Variants in PDZRN4 observed in about 807,000 individuals in gnomAD.
PDZRN4 encodes PDZ domain containing ring finger 4.
PDZRN4 carries 70 observed loss-of-function variants against 99.0 expected under a neutral mutation model. The ratio of observed to expected loss-of-function variants is 0.71; its 90% CI spans 0.58 to 0.86. The LOEUF is 0.86. Among genes scored for constraint, PDZRN4 ranks in the 40% least tolerant of loss-of-function variants. PDZRN4 has a pLI of 0.00. For missense variants in PDZRN4, 1,474 were observed against 1,331.2 expected, an observed-to-expected ratio of 1.11 and a Z score of -1.67; for synonymous variants, 551 against 501.6, an observed-to-expected ratio of 1.10 and a Z score of -1.32.
chr12:41,494,546 T>C (rs556831484), intron 3 of PDZRN4, among the ~76,000 whole-genome samples: 1 of 152,126 alleles, frequency 6.6e-6, no homozygotes, highest in Non-Finnish European at 1.5e-5. Flanking sequence ...AACTATTCTA[T>C]AGAAAATAGC....
In PDZRN4 at chr12:41,437,829, A is replaced by G; in HGVS notation, c.844-68627A>G. 4 of 1,591,004 alleles carry G rather than the reference A, an allele frequency of 2.5e-6. No homozygotes were observed. In the Admixed American group the frequency reaches 6.8e-5, roughly 27 times the overall value. On this transcript the variant is annotated intron_variant, in intron 3 of 9. Coordinates refer to ENST00000402685, the MANE Select transcript of PDZRN4 (RefSeq NM_001164595.2). ...AACAGCGGTTTGTCTGTGTTTCTGGACTGAAGTGACTGATGAAAAACAGTA... is the reference window on the plus strand; with the variant it reads ...AACAGCGGTTTGTCTGTGTTTCTGGGCTGAAGTGACTGATGAAAAACAGTA...
intron 3 of PDZRN4, among the ~76,000 whole-genome samples, chr12:41,449,157 G>T (rs1952753954): frequency 6.6e-6 from 1 of 152,092 alleles, no homozygotes; most frequent in South Asian, 2.1e-4. Context: ...TTCTTCATCT[G>T]AATAAGTTAT....
chr12:41,528,682 T>A (rs1938611968), intron 5 of PDZRN4, among the ~76,000 whole-genome samples: 1 of 152,236 alleles, frequency 6.6e-6, no homozygotes, highest in Non-Finnish European at 1.5e-5. Context: ...GAAAACATAT[T>A]TTTGAAGATT....
At chr12:41,253,428 A>G (rs1205298150) in intron 3 of PDZRN4, among the ~76,000 whole-genome samples, 3 of 152,146 alleles carry the variant, frequency 2.0e-5, no homozygotes, top group Non-Finnish European at 2.9e-5. Flanking sequence ...AAAAGACTCA[A>G]AACCAAATAC....
intron 3 of PDZRN4, among the ~76,000 whole-genome samples, chr12:41,448,042 T>TC (rs762557079): frequency 6.6e-6 from 1 of 152,114 alleles, no homozygotes; most frequent in Non-Finnish European, 1.5e-5. Flanking sequence ...ACTACTTCTT[T>TC]CCCCATCATT....
chr12:41,321,085 T>C (rs1453903197), intron 3 of PDZRN4, among the ~76,000 whole-genome samples: 9 of 152,296 alleles, frequency 5.9e-5, no homozygotes, highest in Non-Finnish European at 5.9e-5. Context: ...CATAAATTTC[T>C]AAAATTTTTC....
chr12:41,479,768 C>A (rs896069538), intron 3 of PDZRN4, among the ~76,000 whole-genome samples: 1 of 152,106 alleles, frequency 6.6e-6, no homozygotes, highest in African/African-American at 2.4e-5. Flanking sequence ...CAAATTTGCA[C>A]TAAAGAATAT....
At chr12:41,323,594 G>A (rs778963809) in intron 3 of PDZRN4, among the ~76,000 whole-genome samples, 7 of 151,960 alleles carry the variant, frequency 4.6e-5, no homozygotes, top group Admixed American at 1.3e-4. Flanking sequence ...TGTAGAATAA[G>A]AAGAGTATAA....
chr12:41,564,560 T>A (rs1450151435), intron 8 of PDZRN4, among the ~76,000 whole-genome samples: 3 of 152,334 alleles, frequency 2.0e-5, no homozygotes, highest in East Asian at 3.9e-4. Context: ...TGAGTAAGTG[T>A]ATTTCAGTGT....
At chr12:41,279,387 T>G (rs763878242) in intron 3 of PDZRN4, among the ~76,000 whole-genome samples, 8 of 152,204 alleles carry the variant, frequency 5.3e-5, no homozygotes, top group Non-Finnish European at 1.0e-4. Context: ...TTTTAAAACC[T>G]AAAAAGCTAA....
intron 5 of PDZRN4, among the ~76,000 whole-genome samples, chr12:41,539,792 CAAA>C (rs1938816218): frequency 2.0e-5 from 3 of 152,182 alleles, no homozygotes; most frequent in Non-Finnish European, 4.4e-5. Context: ...GGAGGACTGA[CAAA>C]TCTCTGTTGT....
intron 3 of PDZRN4, among the ~76,000 whole-genome samples, chr12:41,242,466 C>T (rs57259770): frequency 0.03 from 4,515 of 152,216 alleles, 235 homozygotes; most frequent in African/African-American, 0.1. Flanking sequence ...AATAATACCT[C>T]GCTGGTTACA....
At chr12:41,528,579 A>C (rs2120732280) in intron 5 of PDZRN4, among the ~76,000 whole-genome samples, 1 of 152,350 alleles carries the variant, frequency 6.6e-6, no homozygotes, top group Admixed American at 6.5e-5. Flanking sequence ...TTGTTTTTAA[A>C]AACATGAGAT....
chr12:41,476,684 A>T (rs2098241282), intron 3 of PDZRN4, among the ~76,000 whole-genome samples: 1 of 152,232 alleles, frequency 6.6e-6, no homozygotes, highest in African/African-American at 2.4e-5. Context: ...CAGAAAGGTG[A>T]CACATTGTTG....
chr12:41,330,753 C>G (rs10785235), intron 3 of PDZRN4, among the ~76,000 whole-genome samples: 73,117 of 151,840 alleles, frequency 0.48, 18,167 homozygotes, highest in Middle Eastern at 0.63. Context: ...GAATAAGTTA[C>G]TTTTTTAAGT....
intron 3 of PDZRN4, among the ~76,000 whole-genome samples, chr12:41,253,971 T>C (rs974783186): frequency 2.4e-4 from 37 of 151,686 alleles, no homozygotes; most frequent in Middle Eastern, 3.4e-3. Context: ...TCCTGGCCAC[T>C]AGAGGCCAGG....
intron 3 of PDZRN4, among the ~76,000 whole-genome samples, chr12:41,197,082 A>G (rs1225233482): frequency 6.6e-6 from 1 of 152,146 alleles, no homozygotes; most frequent in African/African-American, 2.4e-5. Context: ...AAGAGATTCT[A>G]TGGTTTATAT....
At chr12:41,387,244 T>C (rs1952177175) in intron 3 of PDZRN4, among the ~76,000 whole-genome samples, 1 of 152,126 alleles carries the variant, frequency 6.6e-6, no homozygotes, top group African/African-American at 2.4e-5. Flanking sequence ...GTCCAGCATC[T>C]ATAAGGAACT....
At chr12:41,338,097 T>C (rs775770745) in intron 3 of PDZRN4, among the ~76,000 whole-genome samples, 110 of 152,130 alleles carry the variant, frequency 7.2e-4, no homozygotes, top group Non-Finnish European at 1.4e-3. Context: ...TAATATGGTC[T>C]AGATGACTAT....
Sources: gnomAD v4.1 joint callset for allele counts (sites outside exome capture counted in the v4.1 genomes callset) on GRCh38, gnomAD v4.1.1 for gene constraint, MANE v1.5 for transcripts, NCBI Gene and HGNC (gene_info 2026-07-23, HGNC 2026-07-21) for gene names.